IL1RAPL1: variants seen among roughly 807,000 people sequenced by gnomAD.
The protein encoded by IL1RAPL1 is interleukin-1 receptor accessory protein-like 1.
IL1RAPL1 carries 3 observed loss-of-function variants against 48.4 expected under a neutral mutation model. The observed-to-expected ratio is 0.06, with a 90% CI of 0.03 to 0.16. The LOEUF (loss-of-function observed/expected upper bound fraction) is 0.16. IL1RAPL1 is among the 10% of genes least tolerant of loss of function. IL1RAPL1 has a pLI of 1.00. For missense variants in IL1RAPL1, 349 were observed against 530.6 expected, an observed-to-expected ratio of 0.66 and a Z score of 3.36; for synonymous variants, 185 against 187.7, an observed-to-expected ratio of 0.99 and a Z score of 0.12.
intron 5 of IL1RAPL1, among the ~76,000 whole-genome samples, chrX:29,628,992 A>G (rs1924691852): frequency 8.9e-6 from 1 of 112,136 alleles, no homozygotes; most frequent in Non-Finnish European, 1.9e-5. Flanking sequence ...GAAAAGCTTA[A>G]AGAAAATAGT....
intron 1 of IL1RAPL1, among the ~76,000 whole-genome samples, chrX:28,750,935 A>G (rs1287949782): frequency 8.9e-6 from 1 of 112,028 alleles, no homozygotes; most frequent in Non-Finnish European, 1.9e-5. Context: ...GTGTGAGCAC[A>G]ATGTCTTAGC....
chrX:29,920,057 T>C lies in IL1RAPL1; in HGVS notation c.1020T>C (p.Asn340=). ...ACTCCTGTTATGTTGAAAATGGAAA[T>C]GGACGTCGACACGCCAGCGTTCTCC... ...GNYSCYVENG[N]GRRHASVLLH... is the part of the protein sequence containing the mutation. Residue 340 remains asparagine, a synonymous_variant, in exon 8 of 11, where the codon AAT becomes AAC. Coordinates refer to ENST00000378993, the MANE Select transcript of IL1RAPL1 (RefSeq NM_014271.4). The C allele has an allele frequency of 4.1e-6, 5 of 1,211,505 alleles. No individual in the cohort carries two copies. Among genetic ancestry groups the C allele is most frequent in the Non-Finnish European group, 5.6e-6 (5 of 895,263 alleles).
intron 5 of IL1RAPL1, among the ~76,000 whole-genome samples, chrX:29,656,889 T>A (rs1452052186): frequency 9.0e-6 from 1 of 111,441 alleles, no homozygotes; most frequent in Non-Finnish European, 1.9e-5. Flanking sequence ...TGGTCATTCT[T>A]CATATGGGGA....
intron 5 of IL1RAPL1, among the ~76,000 whole-genome samples, chrX:29,584,736 G>T (rs137998672): frequency 3.7e-4 from 41 of 111,014 alleles, no homozygotes; most frequent in Admixed American, 9.6e-4. Context: ...TTTATTTTTT[G>T]TTGAGATGGG....
intron 5 of IL1RAPL1, among the ~76,000 whole-genome samples, chrX:29,623,212 A>T (rs1354286254): frequency 9.3e-6 from 1 of 107,646 alleles, no homozygotes; most frequent in Non-Finnish European, 1.9e-5. Context: ...AACCCGGGAG[A>T]TGGAGCTTGC....
chrX:29,173,347 T>A (rs1929945424), intron 2 of IL1RAPL1, among the ~76,000 whole-genome samples: 1 of 112,287 alleles, frequency 8.9e-6, no homozygotes, highest in Non-Finnish European at 1.9e-5. Flanking sequence ...TTGGTGCAAT[T>A]TCTAGTATCA....
At chrX:29,564,140 A>G (rs897822638) in intron 5 of IL1RAPL1, among the ~76,000 whole-genome samples, 18 of 111,862 alleles carry the variant, frequency 1.6e-4, no homozygotes, top group Admixed American at 1.9e-4. Context: ...GCACAAGGAG[A>G]GAATCTGTGT....
chrX:28,911,186 C>G (rs1286856979), intron 2 of IL1RAPL1, among the ~76,000 whole-genome samples: 2 of 111,335 alleles, frequency 1.8e-5, no homozygotes, highest in Non-Finnish European at 3.8e-5. Flanking sequence ...TATTTTAGTA[C>G]AGTAATGCAT....
At chrX:29,136,706 C>T (rs1312148466) in intron 2 of IL1RAPL1, among the ~76,000 whole-genome samples, 2 of 111,799 alleles carry the variant, frequency 1.8e-5, no homozygotes, top group Non-Finnish European at 3.8e-5. Context: ...GTTTCTCTGC[C>T]TGCCAGATGA....
intron 2 of IL1RAPL1, among the ~76,000 whole-genome samples, chrX:29,177,402 G>A (rs1602097288): frequency 8.9e-6 from 1 of 111,833 alleles, no homozygotes; most frequent in East Asian, 2.8e-4. Flanking sequence ...GCTGTCTCCA[G>A]CTGAATAGAC....
chrX:29,201,195 C>T (rs1257039562), intron 2 of IL1RAPL1, among the ~76,000 whole-genome samples: 1 of 111,605 alleles, frequency 9.0e-6, no homozygotes, highest in East Asian at 2.8e-4. Flanking sequence ...TATCATAATC[C>T]AGAATATTAT....
rs184546146 is a variant in IL1RAPL1, at chrX:29,933,484, C to A, written c.1058-8167C>A. On this transcript the variant is annotated intron_variant, in intron 8 of 10. Transcript: ENST00000378993. ...CCTTAGGATACATTGACTAGATACA[C>A]AGACATATTCTTGGAATTTTAGAAT... Among the ~76,000 whole-genome samples the A allele has an allele frequency of 1.6e-3, 182 of 110,571 alleles. 1 individual carries two copies. Among genetic ancestry groups the A allele is most frequent in the African/African-American group, 5.5e-3 (168 of 30,494 alleles).
chrX:29,944,363 C>T (rs763059752), intron 9 of IL1RAPL1, among the ~76,000 whole-genome samples: 14 of 111,400 alleles, frequency 1.3e-4, no homozygotes, highest in African/African-American at 4.3e-4. Context: ...CTCGTATCTC[C>T]CGCTGCATCA....
intron 1 of IL1RAPL1, among the ~76,000 whole-genome samples, chrX:28,679,739 G>T (rs1935036780): frequency 9.1e-6 from 1 of 110,369 alleles, no homozygotes; most frequent in African/African-American, 3.3e-5. Flanking sequence ...TTATTTTCTG[G>T]GCATCTTTGT....
At chrX:29,089,332 C>T (rs1928027692) in intron 2 of IL1RAPL1, among the ~76,000 whole-genome samples, 1 of 110,899 alleles carries the variant, frequency 9.0e-6, no homozygotes, top group African/African-American at 3.3e-5. Flanking sequence ...TGGTTACTAC[C>T]ATCAAGCTAA....
chrX:28,689,680 G>T (rs1391355098), intron 1 of IL1RAPL1, among the ~76,000 whole-genome samples: 1 of 111,897 alleles, frequency 8.9e-6, no homozygotes, highest in East Asian at 2.8e-4. Context: ...TTTATTTGTA[G>T]AGTTTCTTTT....
chrX:28,805,285 A>G (rs1936718481), intron 2 of IL1RAPL1, among the ~76,000 whole-genome samples: 1 of 111,734 alleles, frequency 8.9e-6, no homozygotes, highest in African/African-American at 3.2e-5. Flanking sequence ...AGCTGCTTTT[A>G]TTAAGTTAAA....
At chrX:28,762,298 C>A (rs956895420) in intron 1 of IL1RAPL1, among the ~76,000 whole-genome samples, 1 of 111,013 alleles carries the variant, frequency 9.0e-6, no homozygotes, top group African/African-American at 3.3e-5. Context: ...CATTTAATAT[C>A]CTTAGTGTAT....
intron 5 of IL1RAPL1, among the ~76,000 whole-genome samples, chrX:29,409,643 G>A (rs1934115476): frequency 9.0e-6 from 1 of 111,192 alleles, no homozygotes; most frequent in African/African-American, 3.3e-5. Context: ...AGCAGAAAAC[G>A]TATACATTTT....
Sources: gnomAD v4.1 joint callset for allele counts (sites outside exome capture counted in the v4.1 genomes callset) on GRCh38, gnomAD v4.1.1 for gene constraint, MANE v1.5 for transcripts, NCBI Gene and HGNC (gene_info 2026-07-23, HGNC 2026-07-21) for gene names.